Variants in TET3 observed in about 807,000 individuals in gnomAD.
TET3 encodes the protein methylcytosine dioxygenase TET3.
Under a neutral mutation model 141.4 loss-of-function variants are expected in TET3, and 19 were observed. The ratio of observed to expected loss-of-function variants is 0.13; its 90% CI spans 0.09 to 0.20. The LOEUF is 0.20. Ranked by LOEUF, TET3 falls within the 10% of genes least tolerant of loss-of-function variation. The pLI, the probability that TET3 is intolerant of heterozygous loss-of-function variation, is 1.00. For synonymous variants in TET3, 1,043 were observed against 980.9 expected, an observed-to-expected ratio of 1.06 and a Z score of -1.18; for missense variants, 1,874 against 2,356.9, an observed-to-expected ratio of 0.80 and a Z score of 4.24.
the TET3 span, among the ~76,000 whole-genome samples, chr2:74,133,184 G>A: frequency 4.0e-5 from 6 of 151,614 alleles, no homozygotes; most frequent in Non-Finnish European, 8.8e-5. Context: ...AAAGTGCTGG[G>A]ATTACGCGCG....
chr2:74,003,069 GT>G, intron 2 of TET3, 40 bp from the exon 3 acceptor site: 1 of 1,550,228 alleles, frequency 6.5e-7, no homozygotes, highest in Non-Finnish European at 8.7e-7. Flanking sequence ...TGCCTTCCTG[GT>G]ACCCGCCTGG....
downstream of TET3, among the ~76,000 whole-genome samples, chr2:74,110,402 G>T (rs1691673022): frequency 6.6e-6 from 1 of 152,134 alleles, no homozygotes; most frequent in South Asian, 2.1e-4. Context: ...TAAGCTTGGA[G>T]AGCTGTTAGT....
intron 4 of TET3, among the ~76,000 whole-genome samples, chr2:74,053,250 C>CA (rs1558751082): frequency 6.6e-6 from 1 of 152,166 alleles, no homozygotes; most frequent in African/African-American, 2.4e-5. Context: ...GAGTCCCCCC[C>CA]CAACCATCCT....
chr2:73,987,391 T>C (rs980711740), intron 2 of TET3, among the ~76,000 whole-genome samples: 2 of 152,112 alleles, frequency 1.3e-5, no homozygotes, highest in African/African-American at 2.4e-5. Flanking sequence ...ACTCCCTTTA[T>C]TTGGGGTAGT....
intron 6 of TET3, among the ~76,000 whole-genome samples, chr2:74,084,741 A>C (rs1168470282): frequency 1.3e-5 from 2 of 152,044 alleles, no homozygotes; most frequent in African/African-American, 4.8e-5. Context: ...GCATGAGCTA[A>C]CGCACCCAGC....
chr2:74,035,193 C>T (rs1445891653), intron 3 of TET3, among the ~76,000 whole-genome samples: 6 of 120,588 alleles, frequency 5.0e-5, no homozygotes, highest in Admixed American at 9.5e-5. Context: ...CAGAGTGAGA[C>T]TCCGTCTCAA....
At chr2:74,123,296 G>C in the TET3 span, 3 of 152,274 alleles carry the variant, frequency 2.0e-5, no homozygotes, top group African/African-American at 7.2e-5. Flanking sequence ...ACTCCAGCCT[G>C]AGCGACGGAG....
chr2:74,057,989 C>T (rs1460223117), intron 4 of TET3, among the ~76,000 whole-genome samples: 1 of 151,824 alleles, frequency 6.6e-6, no homozygotes, highest in Admixed American at 6.6e-5. Context: ...TTGTTTAAAC[C>T]GCTGATTTAT....
intron 2 of TET3, among the ~76,000 whole-genome samples, chr2:73,992,289 A>G (rs372316729): frequency 3.7e-5 from 4 of 109,342 alleles, no homozygotes; most frequent in East Asian, 5.0e-4. Flanking sequence ...GCAAAATCAC[A>G]ATCTTTTTTT....
the TET3 span, among the ~76,000 whole-genome samples, chr2:74,116,049 G>A: frequency 6.6e-6 from 1 of 150,568 alleles, no homozygotes; most frequent in Non-Finnish European, 1.5e-5. Flanking sequence ...GGTGGCGGGG[G>A]AATAATCCGA....
Position 74,106,122 on chromosome 2 carries a change from C to T in TET3, c.*3946C>T, listed in dbSNP as rs1691488084. ...TTTTTTTCCCTCCCCTCTTTTGGTG[C>T]TGTCTTAGACCCGTTTACCGTGCTA... On this transcript the variant is annotated 3_prime_UTR_variant, in exon 12 of 12. Transcript: ENST00000409262. 2 of 150,878 alleles carry T rather than the reference C, an allele frequency of 1.3e-5. No homozygotes were observed. The highest frequency in any genetic ancestry group is 2.9e-5 in the Non-Finnish European group (2 of 67,872). The allele number at this position is 150,878 out of a possible 1,614,324, so 9.3% of individuals were successfully genotyped here. A position where few individuals can be genotyped will look rare whatever the true frequency, so the allele number is the denominator to read the frequency against.
chr2:74,038,757 G>C (rs1018291434), intron 3 of TET3, among the ~76,000 whole-genome samples: 1 of 152,210 alleles, frequency 6.6e-6, no homozygotes, highest in African/African-American at 2.4e-5. Context: ...AGGTGTGGCA[G>C]ATGCCTGGTT....
rs965543985 is a variant in TET3, at chr2:74,107,624, T to C, written c.*5448T>C. The C allele has an allele frequency of 6.6e-6, 1 of 152,234 alleles. No homozygotes were observed. Among genetic ancestry groups the C allele is most frequent in the African/African-American group, 2.4e-5 (1 of 41,460 alleles). 9.4% of individuals were successfully genotyped at this position (152,234 alleles called of 1,614,324 possible). A position where few individuals can be genotyped will look rare whatever the true frequency, so the allele number is the denominator to read the frequency against. ...AAAGAAACAAGGGCAGGTCGTATAA[T>C]GGCATATTAATACATTAGACTTAAT... is the stretch of plus-strand genomic sequence containing the variant. On this transcript the variant is annotated 3_prime_UTR_variant, in exon 12 of 12. Transcript: ENST00000409262.
chr2:74,071,262 A>G (rs1256462576), intron 4 of TET3, among the ~76,000 whole-genome samples: 2 of 152,152 alleles, frequency 1.3e-5, no homozygotes, highest in East Asian at 1.9e-4. Flanking sequence ...TCCAAATGCT[A>G]TCCCATTGGG....
Position 74,048,041 on chromosome 2 carries a change from A to G in TET3, c.2124A>G (p.Glu708=). The change falls in exon 4 of 12, where the codon GAA becomes GAG. Residue 708 remains glutamate (E), a synonymous_variant. Transcript: ENST00000409262. Reference sequence around the variant, plus strand: ...TTCCCCCTGCCGATGACAAGCTGGAAGAGCTCATCCGGCAGTTTGAGGCTG... The same window carrying G: ...TTCCCCCTGCCGATGACAAGCTGGAGGAGCTCATCCGGCAGTTTGAGGCTG... ...GPLPPADDKL[E]ELIRQFEAEF... is the part of the protein sequence containing the mutation. The G allele has an allele frequency of 6.2e-7, 1 of 1,611,152 alleles. No individual in the cohort carries two copies. The highest frequency in any genetic ancestry group is 1.1e-5 in the South Asian group (1 of 90,728).
At chr2:74,092,709 G>C (rs998923746) in intron 8 of TET3, among the ~76,000 whole-genome samples, 193 bp from the exon 9 acceptor site, 7 of 152,180 alleles carry the variant, frequency 4.6e-5, no homozygotes, top group African/African-American at 1.7e-4. Context: ...AGCTTTTCCT[G>C]GGAGCCTCAG....
chr2:74,118,581 G>C, the TET3 span, among the ~76,000 whole-genome samples: 1 of 152,232 alleles, frequency 6.6e-6, no homozygotes, highest in East Asian at 1.9e-4. Flanking sequence ...TAGCCTATTA[G>C]TAAAGTTTTT....
chr2:74,128,899 G>A, the TET3 span, among the ~76,000 whole-genome samples: 1 of 150,150 alleles, frequency 6.7e-6, no homozygotes, highest in African/African-American at 2.5e-5. Flanking sequence ...GGCTGAGGTG[G>A]GAGGATCAGC....
chr2:74,077,795 G>A lies in TET3; in HGVS notation c.2586-2703G>A, dbSNP rs140540237. ...CAGCTCACCCTCCTGCGAGGAATGC[G>A]ATAGTGCTTCCGTCTCAGCGAGAGG... On this transcript the variant is annotated intron_variant, in intron 5 of 11. Coordinates refer to ENST00000409262, the MANE Select transcript of TET3 (RefSeq NM_001287491.2). 9.3e-3 allele frequency among the ~76,000 whole-genome samples: 1,416 copies of A among 152,332 alleles called. 22 individuals carry two copies. Among genetic ancestry groups the A allele is most frequent in the African/African-American group, 0.032 (1,319 of 41,556 alleles).
Sources: allele counts gnomAD v4.1 joint callset (sites outside exome capture counted in the v4.1 genomes callset), GRCh38; gene constraint gnomAD v4.1.1; transcripts MANE v1.5; gene names NCBI Gene and HGNC (gene_info 2026-07-23, HGNC 2026-07-21).